LRP6: variants seen among roughly 807,000 people sequenced by gnomAD.
LRP6 encodes low-density lipoprotein receptor-related protein 6.
A neutral mutation model predicts 184.1 loss-of-function variants in LRP6; 43 were observed. The ratio of observed to expected loss-of-function variants is 0.23; its 90% CI spans 0.18 to 0.30. The LOEUF is 0.30. Ranked by LOEUF, LRP6 falls within the 10% of genes least tolerant of loss-of-function variation. LRP6 has a pLI of 1.00. For synonymous variants in LRP6, 719 were observed against 684.9 expected, an observed-to-expected ratio of 1.05 and a Z score of -0.78; for missense variants, 1,571 against 2,005.3, an observed-to-expected ratio of 0.78 and a Z score of 4.14.
intron 12 of LRP6, 21 bp from the exon 13 acceptor site, chr12:12,151,059 A>C (rs141486332): frequency 1.3e-6 from 2 of 1,583,292 alleles, no homozygotes; most frequent in African/African-American, 1.3e-5. Context: ...AGAAAAGAGA[A>C]AATCTGAAAT....
intron 3 of LRP6, among the ~76,000 whole-genome samples, chr12:12,200,111 T>C (rs1863876846): frequency 6.6e-6 from 1 of 152,058 alleles, no homozygotes; most frequent in African/African-American, 2.4e-5. Flanking sequence ...TCTGCAAGAA[T>C]TTCAGCATAC....
intron 15 of LRP6, among the ~76,000 whole-genome samples, chr12:12,144,184 T>C (rs1949971414): frequency 6.6e-6 from 1 of 152,204 alleles, no homozygotes. Flanking sequence ...AGAATTCCTA[T>C]ACAACAATAA....
chr12:12,157,443 T>C (rs1246930673), intron 12 of LRP6, among the ~76,000 whole-genome samples: 2 of 152,160 alleles, frequency 1.3e-5, no homozygotes. Context: ...TTAATCTTCA[T>C]AACAACCCTA....
At chr12:12,155,693 C>A in intron 12 of LRP6, 1 of 957,062 alleles carries the variant, frequency 1.0e-6, no homozygotes, top group Non-Finnish European at 1.7e-6. Context: ...CCTGCTCCAC[C>A]CAGAGAAGCA....
chr12:12,186,344 T>C (rs1050736386), intron 4 of LRP6, among the ~76,000 whole-genome samples: 6 of 152,210 alleles, frequency 3.9e-5, no homozygotes, highest in Non-Finnish European at 5.9e-5. Context: ...GGCTACAAAA[T>C]GGTCTAGGCT....
At position 12,147,544 on chromosome 12, in the gene LRP6, A is replaced by T; in HGVS notation, c.3219T>A (p.Phe1073Leu). 1.2e-6 allele frequency: 2 copies of T among 1,613,864 alleles called. No homozygotes were observed. The highest frequency in any genetic ancestry group is 1.7e-4 in the Middle Eastern group (1 of 6,058). ...VVNPEKGYMY[F>L]TNLQERSPKI... is the part of the protein sequence containing the mutation. ...TAGGAGACCTTTCCTGAAGATTGGTAAAATACATATACCTAGAGGGAAAGG... is the reference window on the plus strand; with the variant it reads ...TAGGAGACCTTTCCTGAAGATTGGTTAAATACATATACCTAGAGGGAAAGG... The change falls in exon 15 of 23, where the codon TTT becomes TTA. Residue 1073 changes from phenylalanine (F) to leucine (L), a missense_variant. Physicochemically the swap from Phe to Leu is conservative, Grantham distance 22 (BLOSUM62 0). Around this residue, in one of 4 missense-constraint regions of LRP6, gnomAD observed 763 missense variants for 859.5 expected, o/e 0.89. Transcript: ENST00000261349.
intron 1 of LRP6, among the ~76,000 whole-genome samples, chr12:12,263,853 C>A (rs764960839): frequency 2.0e-5 from 3 of 151,496 alleles, no homozygotes; most frequent in Non-Finnish European, 4.4e-5. Flanking sequence ...AATAGGAATT[C>A]GTGAACCTGG....
chr12:12,266,194 G>A (rs1335647026), intron 1 of LRP6, among the ~76,000 whole-genome samples: 1 of 152,118 alleles, frequency 6.6e-6, no homozygotes, highest in Non-Finnish European at 1.5e-5. Context: ...CCTGTAACAA[G>A]GCCTGGAAAA....
At chr12:12,142,246 A>G (rs1162404289) in intron 15 of LRP6, among the ~76,000 whole-genome samples, 2 of 152,188 alleles carry the variant, frequency 1.3e-5, no homozygotes, top group Non-Finnish European at 2.9e-5. Flanking sequence ...TAAACAATAA[A>G]GAAGAATGAT....
At chr12:12,145,968 ACT>A (rs1950001502) in intron 15 of LRP6, among the ~76,000 whole-genome samples, 1 of 152,134 alleles carries the variant, frequency 6.6e-6, no homozygotes, top group African/African-American at 2.4e-5. Context: ...ATATACATAC[ACT>A]GTGTATACAC....
At chr12:12,150,046 G>A (rs759513953) in intron 13 of LRP6, among the ~76,000 whole-genome samples, 6 of 151,986 alleles carry the variant, frequency 3.9e-5, no homozygotes, top group African/African-American at 9.7e-5. Flanking sequence ...AGTGAAAAAC[G>A]GTACTCTAAC....
At chr12:12,193,430 A>G (rs1863668846) in intron 3 of LRP6, among the ~76,000 whole-genome samples, 4 of 151,746 alleles carry the variant, frequency 2.6e-5, no homozygotes, top group Admixed American at 2.6e-4. Flanking sequence ...GGAAAAATCA[A>G]TAAAACCAGA....
intron 3 of LRP6, among the ~76,000 whole-genome samples, chr12:12,201,765 A>C (rs1049206059): frequency 6.6e-6 from 1 of 152,216 alleles, no homozygotes; most frequent in Non-Finnish European, 1.5e-5. Context: ...GGTCAAAAAC[A>C]GCAGTTGTTT....
chr12:12,156,867 T>C (rs113492814), intron 12 of LRP6, among the ~76,000 whole-genome samples: 48 of 152,368 alleles, frequency 3.2e-4, no homozygotes, highest in African/African-American at 1.1e-3. Flanking sequence ...GTGCCTTCTT[T>C]TCTCTCCATC....
chr12:12,240,582 AAATAAAT>A (rs1427514548), intron 2 of LRP6, among the ~76,000 whole-genome samples: 4 of 152,150 alleles, frequency 2.6e-5, no homozygotes, highest in Non-Finnish European at 4.4e-5. Flanking sequence ...AAAAATAAAT[AAATAAAT>A]AATAAATAAA....
intron 12 of LRP6, among the ~76,000 whole-genome samples, chr12:12,154,305 T>G (rs1950121607): frequency 6.6e-6 from 1 of 152,250 alleles, no homozygotes. Context: ...CTTCAGTTCT[T>G]GACATAAATG....
intron 2 of LRP6, among the ~76,000 whole-genome samples, chr12:12,220,232 G>A (rs945739950): frequency 2.8e-4 from 43 of 151,514 alleles, no homozygotes; most frequent in Admixed American, 1.1e-3. Context: ...AGGTTGCAGT[G>A]AGCTGAGATC....
chr12:12,266,243 C>T (rs947907276), intron 1 of LRP6, among the ~76,000 whole-genome samples: 2 of 152,120 alleles, frequency 1.3e-5, no homozygotes, highest in African/African-American at 4.8e-5. Context: ...TAAGAAACAC[C>T]GAAACGGGGT....
chr12:12,126,300 A>T (rs1165218199), intron 20 of LRP6, among the ~76,000 whole-genome samples: 1 of 152,116 alleles, frequency 6.6e-6, no homozygotes, highest in Non-Finnish European at 1.5e-5. Flanking sequence ...GCTGAAGGGA[A>T]TCTTATATAA....
Sources: allele counts gnomAD v4.1 joint callset (sites outside exome capture counted in the v4.1 genomes callset), GRCh38; gene constraint gnomAD v4.1.1; regional missense constraint gnomAD v4.1.1; transcripts MANE v1.5; gene names NCBI Gene and HGNC (gene_info 2026-07-23, HGNC 2026-07-21).